TUBB1: variants seen among roughly 807,000 people sequenced by gnomAD.
TUBB1 encodes tubulin beta-1 chain.
Under a neutral mutation model 22.6 loss-of-function variants are expected in TUBB1, and 28 were observed. The ratio of observed to expected loss-of-function variants is 1.24; its 90% CI spans 0.92 to 1.70. TUBB1 has a LOEUF of 1.70. Ranked by LOEUF, TUBB1 falls within the 40% of genes most tolerant of loss-of-function variation. The pLI is 0.00. For synonymous variants in TUBB1, 226 were observed against 238.0 expected (o/e 0.95, Z 0.46); for missense variants, 577 against 605.5 (o/e 0.95, Z 0.49).
At chr20:59,018,818 G>A (rs116251610), upstream of TUBB1, among the ~76,000 whole-genome samples, 2,021 of 152,368 alleles carry the variant, frequency 0.013, 48 homozygotes, top group African/African-American at 0.046. Context: ...GAGATGGGAC[G>A]ACAGAGCAGG....
intron 1 of TUBB1, among the ~76,000 whole-genome samples, chr20:59,022,094 T>C (rs1415330731): frequency 2.6e-5 from 4 of 152,108 alleles, no homozygotes; most frequent in Admixed American, 2.6e-4. Context: ...TCCAGTACTT[T>C]GGAAGGCCAA....
chr20:59,018,361 C>T (rs1322394223), upstream of TUBB1, among the ~76,000 whole-genome samples: 1 of 151,638 alleles, frequency 6.6e-6, no homozygotes, highest in Non-Finnish European at 1.5e-5. Context: ...TGCTTTCAAG[C>T]TGCTGAGTAC....
At chr20:59,020,168 C>G (rs182321012) in intron 1 of TUBB1, among the ~76,000 whole-genome samples, 7 of 152,080 alleles carry the variant, frequency 4.6e-5, no homozygotes, top group Admixed American at 4.6e-4. Context: ...TGTAGGCCAC[C>G]GTGCCTGGCA....
intron 1 of TUBB1, among the ~76,000 whole-genome samples, chr20:59,021,812 T>A (rs2091968267): frequency 1.3e-5 from 2 of 152,306 alleles, no homozygotes; most frequent in Non-Finnish European, 2.9e-5. Flanking sequence ...CTGGCTAACA[T>A]GGCAAAACCC....
At chr20:59,019,111 C>G (rs2091956643), upstream of TUBB1, 1 of 236,524 alleles carries the variant, frequency 4.2e-6, no homozygotes, top group African/African-American at 2.3e-5. Flanking sequence ...GGTCTGGTTA[C>G]CTGGGTGAGC....
intron 1 of TUBB1, among the ~76,000 whole-genome samples, chr20:59,021,209 C>T (rs530474219): frequency 5.9e-5 from 9 of 152,088 alleles, no homozygotes; most frequent in Non-Finnish European, 1.0e-4. Context: ...GGAAAGGGGC[C>T]CTCAAGAGAA....
At chr20:59,019,278 G>A, upstream of TUBB1, 1 of 588,908 alleles carries the variant, frequency 1.7e-6, no homozygotes, top group Non-Finnish European at 3.0e-6. Context: ...TGTTGAGGGA[G>A]GAAAAACACT....
Position 59,023,855 on chromosome 20 carries a change from C to G in TUBB1, c.428C>G (p.Thr143Arg). Residue 143 changes from threonine to arginine, a missense_variant, in exon 4 of 4, where the codon ACA (threonine) becomes AGA (arginine). Thr to Arg is a moderately conservative substitution (Grantham distance 71, BLOSUM62 -1). Coordinates refer to ENST00000217133, the MANE Select transcript of TUBB1 (RefSeq NM_030773.4). The part of the protein sequence containing the change: ...FQIVHSLGGG[T>R]GSGMGTLLMN... ...ATCGTCCACTCCCTGGGCGGGGGCA[C>G]AGGCTCCGGGATGGGCACTCTGCTC... is the stretch of plus-strand genomic sequence containing the variant. 1 of 1,614,144 alleles carries G rather than the reference C, an allele frequency of 6.2e-7. No homozygotes were observed. The highest frequency in any genetic ancestry group is 8.5e-7 in the Non-Finnish European group (1 of 1,180,008).
In TUBB1 at chr20:59,024,188, C is replaced by T. The variant is rs771118227; in HGVS notation, c.761C>T (p.Ala254Val). 2.5e-5 allele frequency: 40 copies of T among 1,614,190 alleles called. No individual in the cohort carries two copies. Among genetic ancestry groups the T allele is most frequent in the African/African-American group, 1.1e-4 (8 of 75,046 alleles). The change falls in exon 4 of 4, where the codon GCG becomes GTG. Residue 254 changes from alanine to valine, a missense_variant. Transcript: ENST00000217133. This position sits in a 1 kb window ranked among gnomAD's most constrained non-coding sequence, Gnocchi z 4.9. ...GQLNADLRKL[A>V]VNMVPFPRLH... is the part of the protein sequence containing the mutation. ...CTCAACGCAGACCTGCGCAAGCTGGCGGTGAACATGGTCCCCTTCCCCCGC... is the reference window on the plus strand; with the variant it reads ...CTCAACGCAGACCTGCGCAAGCTGGTGGTGAACATGGTCCCCTTCCCCCGC...
chr20:59,022,316 C>CA (rs10590022), intron 1 of TUBB1, among the ~76,000 whole-genome samples: 6,814 of 104,288 alleles, frequency 0.065, 214 homozygotes, highest in Middle Eastern at 0.12. Context: ...AAGACTCCAT[C>CA]AAAAAAAAAA....
Position 59,024,233 on chromosome 20 carries a change from G to A in TUBB1, c.806G>A (p.Gly269Asp), listed in dbSNP as rs1293743818. The A allele has an allele frequency of 1.2e-6, 2 of 1,614,062 alleles. No individual in the cohort carries two copies. Among genetic ancestry groups the A allele is most frequent in the South Asian group, 2.2e-5 (2 of 91,086 alleles). ...PFPRLHFFMP[G>D]FAPLTAQGSQ... Reference sequence around the variant, plus strand: ...CCCCGCCTGCACTTCTTTATGCCCGGCTTTGCCCCACTCACGGCCCAGGGC... The same window carrying A: ...CCCCGCCTGCACTTCTTTATGCCCGACTTTGCCCCACTCACGGCCCAGGGC... The change falls in exon 4 of 4, where the codon GGC becomes GAC. Residue 269 changes from glycine (G) to aspartate (D), a missense_variant. Gly to Asp is a moderately conservative substitution (Grantham distance 94, BLOSUM62 -1). Transcript: ENST00000217133. This position sits in a 1 kb window ranked among gnomAD's most constrained non-coding sequence, Gnocchi z 4.9.
chr20:59,025,096 T>C lies in TUBB1; in HGVS notation c.*313T>C. The C allele has an allele frequency of 2.5e-6, 1 of 404,006 alleles. No homozygotes were observed. The highest frequency in any genetic ancestry group is 5.4e-5 in the East Asian group (1 of 18,686). The allele number at this position is 404,006 out of a possible 1,614,324, so 25.0% of individuals were successfully genotyped here. ...TTGCCAGGCATCCAGACTACACGTGTGGATTTGCAGGGAGCCACTGGAGTT... is the reference window on the plus strand; with the variant it reads ...TTGCCAGGCATCCAGACTACACGTGCGGATTTGCAGGGAGCCACTGGAGTT... On this transcript the variant is annotated 3_prime_UTR_variant, in exon 4 of 4. Coordinates refer to ENST00000217133, the MANE Select transcript of TUBB1 (RefSeq NM_030773.4).
Position 59,019,599 on chromosome 20 carries a change from T to G in TUBB1, c.57+20T>G, listed in dbSNP as rs930562080. On this transcript the variant is annotated intron_variant, in intron 1 of 3. Coordinates refer to ENST00000217133, the MANE Select transcript of TUBB1 (RefSeq NM_030773.4). ...GCCAAGGTAAGTAATGTCTGGTTAC[T>G]AATCCTAGCTTTACCACAGTCCATA... 2 of 1,613,670 alleles carry G rather than the reference T, an allele frequency of 1.2e-6. No individual in the cohort carries two copies. Among genetic ancestry groups the G allele is most frequent in the African/African-American group, 2.7e-5 (2 of 74,922 alleles).
intron 2 of TUBB1, 47 bp from the exon 3 acceptor site, chr20:59,023,443 C>A: frequency 6.4e-7 from 1 of 1,563,858 alleles, no homozygotes; most frequent in Non-Finnish European, 8.8e-7. Context: ...AAAACATTAA[C>A]TTTTAGAAAA....
Position 59,023,567 on chromosome 20 carries a change from G to A in TUBB1, c.244G>A (p.Gly82Arg). Residue 82 changes from glycine to arginine, a missense_variant, in exon 3 of 4, where the codon GGA (glycine) becomes AGA (arginine). Gly to Arg is a moderately radical substitution (Grantham distance 125). Transcript: ENST00000217133. Reference sequence around the variant, plus strand: ...GGACAGCATTCGATCTAGCAAATTAGGAGCTCTCTTTCAACCCGACAGTTT... The same window carrying A: ...GGACAGCATTCGATCTAGCAAATTAAGAGCTCTCTTTCAACCCGACAGTTT... Reference protein sequence around the residue: ...TMDSIRSSKLGALFQPDSFVH... With the variant: ...TMDSIRSSKLRALFQPDSFVH... 1 of 1,614,166 alleles carries A rather than the reference G, an allele frequency of 6.2e-7. No individual in the cohort carries two copies. Among genetic ancestry groups the A allele is most frequent in the South Asian group, 1.1e-5 (1 of 91,076 alleles).
In TUBB1 at chr20:59,023,538, C is replaced by CCT. The variant is rs2091977760; in HGVS notation, c.215_216insCT (p.Met73Ter). ...GTCTTGGTGGACCTAGAACCTGGGA[C>CCT]GATGGACAGCATTCGATCTAGCAAA... is the stretch of plus-strand genomic sequence containing the variant. On this transcript the variant is annotated frameshift_variant, in exon 3 of 4. Coordinates refer to ENST00000217133, the MANE Select transcript of TUBB1 (RefSeq NM_030773.4). LOFTEE classifies it high-confidence loss of function. 1 of 1,614,020 alleles carries CCT rather than the reference C, an allele frequency of 6.2e-7. No homozygotes were observed. The highest frequency in any genetic ancestry group is 1.3e-5 in the African/African-American group (1 of 74,906).
At position 59,023,928 on chromosome 20, in the gene TUBB1, C is replaced by A. The variant is rs761142864; in HGVS notation, c.501C>A (p.Phe167Leu). 1.2e-6 allele frequency: 2 copies of A among 1,614,234 alleles called. No homozygotes were observed. The highest frequency in any genetic ancestry group is 2.2e-5 in the South Asian group (2 of 91,084). ...ACCCGGACCGGATCATGAATTCCTTCAGCGTCATGCCTTCTCCCAAGGTGT... is the reference window on the plus strand; with the variant it reads ...ACCCGGACCGGATCATGAATTCCTTAAGCGTCATGCCTTCTCCCAAGGTGT... ...EEYPDRIMNS[F>L]SVMPSPKVSD... Residue 167 changes from phenylalanine to leucine, a missense_variant, in exon 4 of 4, where the codon TTC (phenylalanine) becomes TTA (leucine). Transcript: ENST00000217133.
chr20:59,024,694 C>T lies in TUBB1; in HGVS notation c.1267C>T (p.Gln423Ter), dbSNP rs767041023. ...NNIHDLVSEY[Q>*]QFQDAKAVLE... is the part of the protein sequence containing the mutation. The stretch of plus-strand genomic sequence containing the variant: ...CATCCATGATTTGGTATCCGAGTAC[C>T]AACAATTTCAAGATGCCAAAGCAGT... The change falls in exon 4 of 4, where the codon CAA becomes TAA. Residue 423 changes from glutamine to a stop codon, truncating the protein, a stop_gained. Coordinates refer to ENST00000217133, the MANE Select transcript of TUBB1 (RefSeq NM_030773.4). LOFTEE classifies it low-confidence loss of function (END_TRUNC). The surrounding 1 kb of genome is among the most constrained non-coding windows in gnomAD (Gnocchi z 4.9). The T allele has an allele frequency of 8.1e-6, 13 of 1,613,816 alleles. No individual in the cohort carries two copies. Among genetic ancestry groups the T allele is most frequent in the Admixed American group, 3.3e-5 (2 of 59,976 alleles).
Position 59,025,869 on chromosome 20 carries a change from CATT to C in TUBB1, c.*1089_*1091del, listed in dbSNP as rs1461845906. On this transcript the variant is annotated 3_prime_UTR_variant, in exon 4 of 4. Coordinates refer to ENST00000217133, the MANE Select transcript of TUBB1 (RefSeq NM_030773.4). ...GCACTACATGATTTTAATCTGCTCA[CATT>C]ATAACAGGACCAAATACACAAGAGC... 2 of 152,232 alleles carry C rather than the reference CATT, an allele frequency of 1.3e-5. No individual in the cohort carries two copies. Among genetic ancestry groups the C allele is most frequent in the African/African-American group, 2.4e-5 (1 of 41,458 alleles). The allele number at this position is 152,232 out of a possible 1,614,324, so 9.4% of individuals were successfully genotyped here.
Sources: gnomAD v4.1 joint callset for allele counts (sites outside exome capture counted in the v4.1 genomes callset) on GRCh38, gnomAD v4.1.1 for gene constraint, Gnocchi (gnomAD v3.1) non-coding constraint, MANE v1.5 for transcripts, NCBI Gene and HGNC (gene_info 2026-07-23, HGNC 2026-07-21) for gene names.